Variants in RBFOX1 observed in about 807,000 individuals in gnomAD.
RBFOX1 encodes RNA binding protein fox-1 homolog 1.
A neutral mutation model predicts 57.7 loss-of-function variants in RBFOX1; 8 were observed. That is an observed-to-expected ratio of 0.14 (90% CI 0.08 to 0.25). The LOEUF is 0.25. Among genes scored for constraint, RBFOX1 ranks in the 10% least tolerant of loss-of-function variants. The probability of loss-of-function intolerance (pLI) is 1.00; values close to 1 mark genes in which losing one functional copy is unlikely to be tolerated. For synonymous variants in RBFOX1, 326 were observed against 222.4 expected, an observed-to-expected ratio of 1.47 and a Z score of -4.15; for missense variants, 611 against 548.5, an observed-to-expected ratio of 1.11 and a Z score of -1.14.
intron 3 of RBFOX1, among the ~76,000 whole-genome samples, chr16:6,919,507 A>G (rs982247694): frequency 4.6e-5 from 7 of 151,878 alleles, no homozygotes; most frequent in African/African-American, 1.5e-4. Context: ...TAGACCTGGG[A>G]TTTGAACCAT....
intron 2 of RBFOX1, among the ~76,000 whole-genome samples, chr16:6,397,401 G>A (rs1282512267): frequency 6.6e-6 from 1 of 151,970 alleles, no homozygotes; most frequent in Admixed American, 6.6e-5. Flanking sequence ...GTCTTTTAAT[G>A]GTTGACAAAG....
intron 4 of RBFOX1, among the ~76,000 whole-genome samples, chr16:7,054,233 C>CTTTT (rs34402387): frequency 2.0e-4 from 1 of 5,126 alleles, no homozygotes. Flanking sequence ...GGGCGGGGAG[C>CTTTT]TTTTTTTTTT....
intron 4 of RBFOX1, among the ~76,000 whole-genome samples, chr16:7,254,414 C>A (rs755450103): frequency 1.2e-4 from 19 of 152,142 alleles, no homozygotes; most frequent in Non-Finnish European, 2.2e-4. Context: ...GCTGGAATCT[C>A]CATTGCCAAG....
chr16:5,504,310 G>C (rs2043302742), intron 2 of RBFOX1, among the ~76,000 whole-genome samples: 2 of 152,216 alleles, frequency 1.3e-5, no homozygotes, highest in Admixed American at 6.5e-5. Flanking sequence ...TTTGAGGCAG[G>C]GCCTGCCAGG....
rs150430133 is a variant in RBFOX1 at position 6,878,000 on chromosome 16, A to G, written c.-15-174057A>G. On this transcript the variant is annotated intron_variant, in intron 3 of 15. Coordinates refer to ENST00000550418, the MANE Select transcript of RBFOX1 (RefSeq NM_018723.4). ...GAGAGCCGAGTCATTGTGCTTAAGC[A>G]TATAGGAGGAATTTAAGGATGTTGT... Among the ~76,000 whole-genome samples the G allele has an allele frequency of 6.0e-3, 909 of 152,266 alleles. 8 individuals carry two copies. The highest frequency in any genetic ancestry group is 0.014 in the Middle Eastern group (4 of 294).
At chr16:7,187,411 C>T (rs915449273) in intron 4 of RBFOX1, among the ~76,000 whole-genome samples, 2 of 151,756 alleles carry the variant, frequency 1.3e-5, no homozygotes, top group South Asian at 2.1e-4. Flanking sequence ...AGCCCTTGGC[C>T]AGGCACGGTG....
intron 4 of RBFOX1, among the ~76,000 whole-genome samples, chr16:5,877,836 G>A (rs188683837): frequency 9.2e-5 from 14 of 152,340 alleles, no homozygotes; most frequent in Admixed American, 9.1e-4. Flanking sequence ...CATGGCAAGG[G>A]CAGTAAGTCC....
At position 6,539,279 on chromosome 16, in the gene RBFOX1, A is replaced by G. The variant is rs201424436; in HGVS notation, c.-63-115324A>G. ...TGTATAAGCATGGGCAGGTCCTTCA[A>G]TTTCCTTGTGCCTCTGTTTTCCCAA... On this transcript the variant is annotated intron_variant, in intron 2 of 15. Transcript: ENST00000550418. Among the ~76,000 whole-genome samples the G allele has an allele frequency of 6.6e-5, 10 of 152,102 alleles. No homozygotes were observed. The East Asian group carries it at 1.4e-3, about 21-fold the overall frequency.
At chr16:7,095,178 C>G (rs963558050) in intron 4 of RBFOX1, among the ~76,000 whole-genome samples, 1 of 152,074 alleles carries the variant, frequency 6.6e-6, no homozygotes, top group Admixed American at 6.5e-5. Flanking sequence ...ACTCTGTCGC[C>G]CACGCTGGAG....
chr16:7,431,441 G>A (rs1540348), intron 4 of RBFOX1: 58,601 of 151,554 alleles, frequency 0.39, 15,538 homozygotes, highest in African/African-American at 0.76. Flanking sequence ...GGTTCTTACT[G>A]TGTTGCCCAG....
chr16:6,396,065 C>CAAAAA lies in RBFOX1; in HGVS notation c.-64+79026_-64+79030dup, dbSNP rs1165644198. 1.3e-3 allele frequency among the ~76,000 whole-genome samples: 77 copies of CAAAAA among 61,422 alleles called. 1 individual carries two copies. Among genetic ancestry groups the CAAAAA allele is most frequent in the Middle Eastern group, 0.012 (1 of 82 alleles). 40.3% of individuals were successfully genotyped at this position (61,422 alleles called of 152,430 possible). A position where few individuals can be genotyped will look rare whatever the true frequency, so the allele number is the denominator to read the frequency against. The stretch of plus-strand genomic sequence containing the variant: ...TGGGTGACAGAGCAAGACTCCTTCT[C>CAAAAA]AAAAAAAAAAAAAAAAAAAAAAGGA... On this transcript the variant is annotated intron_variant, in intron 2 of 15. Coordinates refer to ENST00000550418, the MANE Select transcript of RBFOX1 (RefSeq NM_018723.4).
At chr16:7,650,344 A>C (rs1203705096) in intron 11 of RBFOX1, among the ~76,000 whole-genome samples, 5 of 146,290 alleles carry the variant, frequency 3.4e-5, no homozygotes, top group Non-Finnish European at 7.5e-5. Context: ...AAGGGTACCT[A>C]GCCTTCCAGG....
chr16:6,417,707 T>TA lies in RBFOX1; in HGVS notation c.-64+100664dup, dbSNP rs1555463885. 6.5e-4 allele frequency among the ~76,000 whole-genome samples: 95 copies of TA among 146,610 alleles called. No individual in the cohort carries two copies. In the East Asian group the frequency reaches 8.9e-3, roughly 14 times the overall value. ...GTCTGGCCTTAAACTCCTTTCTTTT[T>TA]AAAAAAAAAAAAAATTAAGTTCAAG... is the stretch of plus-strand genomic sequence containing the variant. On this transcript the variant is annotated intron_variant, in intron 2 of 15. Coordinates refer to ENST00000550418, the MANE Select transcript of RBFOX1 (RefSeq NM_018723.4).
chr16:7,041,546 C>A (rs1239525928), intron 3 of RBFOX1, among the ~76,000 whole-genome samples: 1 of 152,090 alleles, frequency 6.6e-6, no homozygotes, highest in Non-Finnish European at 1.5e-5. Context: ...TAAAGTGATT[C>A]CTAGAATACT....
At chr16:6,183,852 G>C (rs1284542186) in intron 1 of RBFOX1, among the ~76,000 whole-genome samples, 1 of 152,188 alleles carries the variant, frequency 6.6e-6, no homozygotes, top group Non-Finnish European at 1.5e-5. Context: ...GTAGGGCTTT[G>C]AAGGTCATAG....
At chr16:6,555,053 A>T (rs974814221) in intron 2 of RBFOX1, among the ~76,000 whole-genome samples, 5 of 152,190 alleles carry the variant, frequency 3.3e-5, no homozygotes, top group African/African-American at 1.2e-4. Flanking sequence ...GGCCCAGAAT[A>T]TTATGCTAGA....
At chr16:6,475,773 G>T (rs893965040) in intron 2 of RBFOX1, among the ~76,000 whole-genome samples, 1 of 151,978 alleles carries the variant, frequency 6.6e-6, no homozygotes, top group Non-Finnish European at 1.5e-5. Context: ...CTTTTCTACA[G>T]GAAAATATTT....
intron 4 of RBFOX1, among the ~76,000 whole-genome samples, chr16:7,454,722 A>G (rs981949449): frequency 2.0e-5 from 3 of 152,340 alleles, no homozygotes; most frequent in East Asian, 1.9e-4. Flanking sequence ...CCAAGATCCA[A>G]CCATCTCTCG....
intron 3 of RBFOX1, among the ~76,000 whole-genome samples, chr16:6,937,180 A>G (rs1051890346): frequency 1.3e-5 from 2 of 152,140 alleles, no homozygotes; most frequent in East Asian, 1.9e-4. Context: ...CCAAATTTTT[A>G]TTCTGGAAAA....
Sources: gnomAD v4.1 joint callset for allele counts (sites outside exome capture counted in the v4.1 genomes callset) on GRCh38, gnomAD v4.1.1 for gene constraint, MANE v1.5 for transcripts, NCBI Gene and HGNC (gene_info 2026-07-23, HGNC 2026-07-21) for gene names.